Variants in RPSA2 observed in about 807,000 individuals in gnomAD.
RPSA2 encodes small ribosomal subunit protein uS2B.
chr19:23,787,311 A>T, the RPSA2 span, among the ~76,000 whole-genome samples: 1 of 151,972 alleles, frequency 6.6e-6, no homozygotes, highest in East Asian at 1.9e-4. Context: ...GCATTTTGAA[A>T]TGTCTTTGTG....
chr19:23,861,518 T>A, the RPSA2 span, among the ~76,000 whole-genome samples: 58 of 152,304 alleles, frequency 3.8e-4, 2 homozygotes, highest in South Asian at 0.011. Flanking sequence ...TGAGAACATG[T>A]TAAAAATTTC....
the RPSA2 span, among the ~76,000 whole-genome samples, chr19:23,829,666 A>G: frequency 1.3e-5 from 2 of 152,244 alleles, no homozygotes; most frequent in Non-Finnish European, 2.9e-5. Context: ...TCTAAAAGAT[A>G]CAACAATACA....
At chr19:23,795,617 A>G in the RPSA2 span, among the ~76,000 whole-genome samples, 1 of 152,014 alleles carries the variant, frequency 6.6e-6, no homozygotes, top group Admixed American at 6.6e-5. Context: ...GTTGTCTGCA[A>G]AAAGGGATAG....
chr19:23,770,955 A>G, the RPSA2 span, among the ~76,000 whole-genome samples: 1 of 152,202 alleles, frequency 6.6e-6, no homozygotes, highest in Non-Finnish European at 1.5e-5. Flanking sequence ...AGGTGCAATA[A>G]TGACTCTCAT....
chr19:23,865,286 G>T, the RPSA2 span, among the ~76,000 whole-genome samples: 74 of 152,334 alleles, frequency 4.9e-4, no homozygotes, highest in Non-Finnish European at 1.3e-4. Flanking sequence ...CTAAAGTTGT[G>T]TTGAAACAGT....
At chr19:23,759,344 G>C in the RPSA2 span, among the ~76,000 whole-genome samples, 1 of 151,866 alleles carries the variant, frequency 6.6e-6, no homozygotes, top group Non-Finnish European at 1.5e-5. Flanking sequence ...GCGCTCTTTA[G>C]CACTGCGTTG....
At chr19:23,787,812 G>A in the RPSA2 span, among the ~76,000 whole-genome samples, 1 of 152,100 alleles carries the variant, frequency 6.6e-6, no homozygotes, top group African/African-American at 2.4e-5. Context: ...GTACCAAAGC[G>A]ATATTACTTT....
At chr19:23,786,333 C>T in the RPSA2 span, among the ~76,000 whole-genome samples, 2 of 152,204 alleles carry the variant, frequency 1.3e-5, no homozygotes, top group Non-Finnish European at 2.9e-5. Flanking sequence ...GTGATTATCA[C>T]ATATGCCTAT....
At chr19:23,811,772 C>G in the RPSA2 span, among the ~76,000 whole-genome samples, 5 of 152,192 alleles carry the variant, frequency 3.3e-5, no homozygotes, top group South Asian at 1.0e-3. Flanking sequence ...ATATGAGGCT[C>G]TAACCATATT....
the RPSA2 span, among the ~76,000 whole-genome samples, chr19:23,824,081 G>T: frequency 6.6e-6 from 1 of 152,168 alleles, no homozygotes; most frequent in African/African-American, 2.4e-5. Flanking sequence ...CAAGTACAGG[G>T]CTTGTCTTTT....
At chr19:23,840,902 C>T in the RPSA2 span, among the ~76,000 whole-genome samples, 2,197 of 142,808 alleles carry the variant, frequency 0.015, 23 homozygotes, top group Non-Finnish European at 0.017. Context: ...GCAGAGGTTG[C>T]GGTGAGCCAA....
At chr19:23,824,310 T>C in the RPSA2 span, among the ~76,000 whole-genome samples, 5 of 152,312 alleles carry the variant, frequency 3.3e-5, no homozygotes, top group African/African-American at 9.6e-5. Context: ...TTGCAGCTGG[T>C]ATACGTCTTA....
the RPSA2 span, among the ~76,000 whole-genome samples, chr19:23,761,926 T>TC: frequency 3.5e-4 from 44 of 124,762 alleles, no homozygotes; most frequent in African/African-American, 3.6e-4. Context: ...CTTTCTTTTT[T>TC]TTTTTTTTTG....
chr19:23,855,831 T>G, the RPSA2 span, among the ~76,000 whole-genome samples: 1 of 152,118 alleles, frequency 6.6e-6, no homozygotes, highest in Non-Finnish European at 1.5e-5. Context: ...GGGGATGGTC[T>G]GCAGAAGTAC....
chr19:23,814,902 C>T, the RPSA2 span, among the ~76,000 whole-genome samples: 148,889 of 152,214 alleles, frequency 0.98, 72,909 homozygotes, highest in Middle Eastern at 1. Context: ...CTGGAGTGTA[C>T]TGCCATGATT....
the RPSA2 span, chr19:23,832,889 A>G: frequency 1.3e-6 from 2 of 1,568,318 alleles, no homozygotes; most frequent in South Asian, 1.1e-5. Context: ...AAACCCTACA[A>G]ATGTGAGGAA....
chr19:23,842,000 T>C, the RPSA2 span, among the ~76,000 whole-genome samples: 74 of 152,360 alleles, frequency 4.9e-4, no homozygotes, highest in African/African-American at 1.7e-3. Context: ...ACTGGTCATA[T>C]ACACTGGGAT....
At chr19:23,795,473 A>G in the RPSA2 span, among the ~76,000 whole-genome samples, 1 of 151,890 alleles carries the variant, frequency 6.6e-6, no homozygotes, top group African/African-American at 2.4e-5. Flanking sequence ...TGTATTTGGC[A>G]TGGATGTTGC....
At chr19:23,809,957 G>C in the RPSA2 span, among the ~76,000 whole-genome samples, 1 of 139,036 alleles carries the variant, frequency 7.2e-6, no homozygotes, top group African/African-American at 2.7e-5. Context: ...TTATAAACTG[G>C]TTTCAGAGAG....
Sources: allele counts gnomAD v4.1 joint callset (sites outside exome capture counted in the v4.1 genomes callset), GRCh38; gene constraint gnomAD v4.1.1; transcripts MANE v1.5; gene names NCBI Gene and HGNC (gene_info 2026-07-23, HGNC 2026-07-21).